The following GOLT1A variants were observed in gnomAD, a reference collection of about 807,000 sequenced individuals.
The protein encoded by GOLT1A is golgi transport 1A.
GOLT1A carries 10 observed loss-of-function variants against 16.1 expected under a neutral mutation model. That is an observed-to-expected ratio of 0.62 (90% CI 0.38 to 1.05). GOLT1A has a LOEUF of 1.05. Ranked by LOEUF, GOLT1A falls within the 50% of genes least tolerant of loss-of-function variation. GOLT1A has a pLI of 0.01. For missense variants in GOLT1A, 137 were observed against 165.7 expected (o/e 0.83, Z 0.95); for synonymous variants, 60 against 67.9 (o/e 0.88, Z 0.57).
At chr1:204,207,221 C>T (rs1456349579) in intron 1 of GOLT1A, among the ~76,000 whole-genome samples, 1 of 152,168 alleles carries the variant, frequency 6.6e-6, no homozygotes, top group Non-Finnish European at 1.5e-5. Context: ...TGTGCCTGCC[C>T]GGCACGGTCC....
chr1:204,202,444 A>T (rs866590078), intron 2 of GOLT1A, among the ~76,000 whole-genome samples: 10 of 151,770 alleles, frequency 6.6e-5, no homozygotes, highest in African/African-American at 2.4e-4. Flanking sequence ...TTTCCTTTCC[A>T]AATTCCTCTC....
intron 2 of GOLT1A, 32 bp from the exon 3 acceptor site, chr1:204,201,843 C>T: frequency 6.2e-7 from 1 of 1,601,944 alleles, no homozygotes; most frequent in South Asian, 1.1e-5. Flanking sequence ...ATGAAGCAAA[C>T]CCACCAGCCC....
At chr1:204,199,543 A>C (rs1490923612) in intron 3 of GOLT1A, among the ~76,000 whole-genome samples, 1 of 152,170 alleles carries the variant, frequency 6.6e-6, no homozygotes, top group African/African-American at 2.4e-5. Context: ...CCAGCCATAA[A>C]ATGTGGCTAA....
chr1:204,205,972 A>G (rs905454661), intron 1 of GOLT1A, among the ~76,000 whole-genome samples: 7 of 152,198 alleles, frequency 4.6e-5, no homozygotes, highest in Non-Finnish European at 8.8e-5. Flanking sequence ...TGGGAGGCTG[A>G]GGCAGGAGAA....
intron 2 of GOLT1A, among the ~76,000 whole-genome samples, chr1:204,202,590 G>A (rs562121032): frequency 2.6e-5 from 4 of 152,100 alleles, no homozygotes; most frequent in Admixed American, 1.3e-4. Flanking sequence ...GGATTCAGAT[G>A]GCAGGGACAG....
In GOLT1A at chr1:204,201,626, C is replaced by T. The variant is rs372733623; in HGVS notation, c.296+7G>A. 1.2e-6 allele frequency: 2 copies of T among 1,613,792 alleles called. No homozygotes were observed. The highest frequency in any genetic ancestry group is 1.7e-6 in the Non-Finnish European group (2 of 1,179,826). The stretch of plus-strand genomic sequence containing the variant: ...GTCTGTCCAGGGTTATAGGGATTTG[C>T]ACTCACTTAAAGAGGCTGAAGAATC... On this transcript the variant is annotated splice_region_variant and intron_variant, in intron 3 of 4. Transcript: ENST00000308302.
intron 3 of GOLT1A, among the ~76,000 whole-genome samples, chr1:204,200,450 A>G (rs1658939239): frequency 6.6e-6 from 1 of 150,730 alleles, no homozygotes; most frequent in Admixed American, 6.6e-5. Flanking sequence ...CAGCCTCCCG[A>G]GTAGCTGGGA....
chr1:204,206,743 A>G (rs973992398), intron 1 of GOLT1A, among the ~76,000 whole-genome samples: 1 of 152,214 alleles, frequency 6.6e-6, no homozygotes, highest in Non-Finnish European at 1.5e-5. Context: ...TGAACTTTCT[A>G]TATGTTCATC....
rs753822940 is a variant in GOLT1A at position 204,201,674 on chromosome 1, G to C, written c.255C>G (p.Leu85=). ...ATCCGTAGGTTTCCAGGAACATGCC[G>C]AGGAGGGGCCAGCGTAGGAGCACGA... ...VVIVLLRWPL[L]GMFLETYGFF... Residue 85 remains leucine, a synonymous_variant, in exon 3 of 5, where the codon CTC becomes CTG. Transcript: ENST00000308302. 1.9e-6 allele frequency: 3 copies of C among 1,614,136 alleles called. No individual in the cohort carries two copies. The Admixed American group carries it at 5.0e-5, about 27-fold the overall frequency.
intron 1 of GOLT1A, among the ~76,000 whole-genome samples, chr1:204,208,346 A>C (rs1464862964): frequency 2.1e-5 from 3 of 141,840 alleles, no homozygotes; most frequent in African/African-American, 8.1e-5. Flanking sequence ...ACATATATAC[A>C]CACATGTATG....
intron 1 of GOLT1A, among the ~76,000 whole-genome samples, chr1:204,210,897 T>C (rs1659127327): frequency 6.6e-6 from 1 of 152,084 alleles, no homozygotes; most frequent in African/African-American, 2.4e-5. Flanking sequence ...AACTGGTCTA[T>C]TTATCTTCCC....
In GOLT1A at chr1:204,200,299, G is replaced by GTGTGTGTGTATATATATA; in HGVS notation, c.297-1042_297-1041insTATATATATACACACACA. On this transcript the variant is annotated intron_variant, in intron 3 of 4. Transcript: ENST00000308302. The stretch of plus-strand genomic sequence containing the variant: ...GACTGTTTGAAAATGACATATATGT[G>GTGTGTGTGTATATATATA]TATATATATATATATATATATGTTT... Among the ~76,000 whole-genome samples the GTGTGTGTGTATATATATA allele has an allele frequency of 4.7e-4, 39 of 82,652 alleles. 1 individual carries two copies. Among genetic ancestry groups the GTGTGTGTGTATATATATA allele is most frequent in the African/African-American group, 2.2e-3 (39 of 18,038 alleles). 54.2% of individuals were successfully genotyped at this position (82,652 alleles called of 152,430 possible). A position where few individuals can be genotyped will look rare whatever the true frequency, so the allele number is the denominator to read the frequency against.
chr1:204,202,134 G>T (rs1658973860), intron 2 of GOLT1A, among the ~76,000 whole-genome samples: 1 of 152,016 alleles, frequency 6.6e-6, no homozygotes, highest in Non-Finnish European at 1.5e-5. Flanking sequence ...AATCGGGAGG[G>T]ATTTTTATTC....
At chr1:204,208,422 A>T (rs150426298) in intron 1 of GOLT1A, among the ~76,000 whole-genome samples, 13 of 70,304 alleles carry the variant, frequency 1.8e-4, no homozygotes, top group Admixed American at 2.6e-4. Flanking sequence ...ATGTATACAT[A>T]TGTGTATATG....
Position 204,201,656 on chromosome 1 carries a change from G to A in GOLT1A, c.273C>T (p.Thr91=), listed in dbSNP as rs950406803. Residue 91 remains threonine (T), a synonymous_variant, in exon 3 of 5, where the codon ACC becomes ACT. Transcript: ENST00000308302. The part of the protein sequence containing the change: ...RWPLLGMFLE[T]YGFFSLFKGF... ...ACTTAAAGAGGCTGAAGAATCCGTA[G>A]GTTTCCAGGAACATGCCGAGGAGGG... is the stretch of plus-strand genomic sequence containing the variant. 14 of 1,614,122 alleles carry A rather than the reference G, an allele frequency of 8.7e-6. No individual in the cohort carries two copies. Among genetic ancestry groups the A allele is most frequent in the Non-Finnish European group, 1.2e-5 (14 of 1,180,008 alleles).
At chr1:204,212,360 C>A (rs114980200) in intron 1 of GOLT1A, among the ~76,000 whole-genome samples, 18 of 152,144 alleles carry the variant, frequency 1.2e-4, no homozygotes, top group African/African-American at 4.3e-4. Context: ...CCTGGCTGGG[C>A]GCGGTGGCTC....
chr1:204,202,033 T>G (rs966925387), intron 2 of GOLT1A, among the ~76,000 whole-genome samples: 1 of 152,112 alleles, frequency 6.6e-6, no homozygotes, highest in African/African-American at 2.4e-5. Flanking sequence ...GAGAAACCTT[T>G]GACGGTTTCT....
At chr1:204,210,642 T>C (rs1293329248) in intron 1 of GOLT1A, among the ~76,000 whole-genome samples, 2 of 152,152 alleles carry the variant, frequency 1.3e-5, no homozygotes, top group Non-Finnish European at 2.9e-5. Flanking sequence ...GGTTTTGCAA[T>C]GTGCTCAGGC....
At chr1:204,209,387 G>A (rs1286053197) in intron 1 of GOLT1A, among the ~76,000 whole-genome samples, 2 of 152,180 alleles carry the variant, frequency 1.3e-5, no homozygotes, top group Non-Finnish European at 2.9e-5. Flanking sequence ...CCCCTAGTGT[G>A]AACACCCTTC....
Sources: allele counts gnomAD v4.1 joint callset (sites outside exome capture counted in the v4.1 genomes callset), GRCh38; gene constraint gnomAD v4.1.1; transcripts MANE v1.5; gene names NCBI Gene and HGNC (gene_info 2026-07-23, HGNC 2026-07-21).